The following RANBP2 variants were observed in gnomAD, a reference collection of about 807,000 sequenced individuals.
The protein encoded by RANBP2 is E3 SUMO-protein ligase RanBP2.
In RANBP2, 57 loss-of-function variants were observed where a neutral mutation model predicts 303.6. That is an observed-to-expected ratio of 0.19 (90% CI 0.15 to 0.23). The LOEUF is 0.23. Among genes scored for constraint, RANBP2 ranks in the 10% least tolerant of loss-of-function variants. The pLI is 1.00. For synonymous variants in RANBP2, 1,167 were observed against 1,301.5 expected, an observed-to-expected ratio of 0.90 and a Z score of 2.23; for missense variants, 3,138 against 3,780.8, an observed-to-expected ratio of 0.83 and a Z score of 4.46.
chr2:109,171,135 A>T, the RANBP2 span, among the ~76,000 whole-genome samples: 1 of 152,174 alleles, frequency 6.6e-6, no homozygotes, highest in Non-Finnish European at 1.5e-5. Context: ...CAGCACCTAG[A>T]TCATTCAGGT....
At chr2:108,723,011 ACTT>A (rs1326464365) in intron 1 of RANBP2, among the ~76,000 whole-genome samples, 2 of 152,058 alleles carry the variant, frequency 1.3e-5, no homozygotes, top group Non-Finnish European at 2.9e-5. Flanking sequence ...GCTGATTCCT[ACTT>A]CTCAAAGTCT....
At chr2:109,190,017 A>G in the RANBP2 span, among the ~76,000 whole-genome samples, 1 of 152,262 alleles carries the variant, frequency 6.6e-6, no homozygotes, top group Non-Finnish European at 1.5e-5. Flanking sequence ...AGAAGTCTAC[A>G]GAACTAAAAA....
chr2:108,721,510 G>T (rs978679212), intron 1 of RANBP2, among the ~76,000 whole-genome samples: 2 of 152,014 alleles, frequency 1.3e-5, no homozygotes, highest in African/African-American at 4.8e-5. Flanking sequence ...GCGCTATCTC[G>T]ACTCACTGCA....
At chr2:108,912,703 CAG>C in the RANBP2 span, 2 of 1,600,352 alleles carry the variant, frequency 1.2e-6, no homozygotes, top group African/African-American at 1.3e-5. Context: ...GGAAGGGAGA[CAG>C]GGTGCTGCTG....
chr2:109,148,456 C>T, the RANBP2 span, among the ~76,000 whole-genome samples: 1 of 152,152 alleles, frequency 6.6e-6, no homozygotes. Flanking sequence ...TGCTGTAGCT[C>T]AAACTGTGTA....
In RANBP2 at chr2:108,758,453, C is replaced by T. The variant is rs762106093; in HGVS notation, c.2507C>T (p.Ala836Val). 1.9e-6 allele frequency: 3 copies of T among 1,611,606 alleles called. No individual in the cohort carries two copies. In the Admixed American group the frequency reaches 5.0e-5, roughly 27 times the overall value. ...QELKLNSSNSASPHRWPTENY... is the reference protein window; with the variant it reads ...QELKLNSSNSVSPHRWPTENY... ...TTGAAACTAAATAGCAGTAACTCAG[C>T]ATCCCCTCATCGTTGGCCCACAGAG... The change falls in exon 18 of 29, where the codon GCA becomes GTA. Residue 836 changes from alanine (A) to valine (V), a missense_variant. Ala to Val is a moderately conservative substitution (Grantham distance 64). Transcript: ENST00000283195.
At chr2:109,155,779 G>A in the RANBP2 span, among the ~76,000 whole-genome samples, 1 of 152,216 alleles carries the variant, frequency 6.6e-6, no homozygotes, top group East Asian at 1.9e-4. Context: ...CATAGCACAC[G>A]TGCTGGTGTG....
the RANBP2 span, among the ~76,000 whole-genome samples, chr2:108,979,467 TCACACACA>T: frequency 6.7e-4 from 98 of 147,216 alleles, 1 homozygote; most frequent in Middle Eastern, 3.5e-3. Context: ...TCTCTCTCTC[TCACACACA>T]CACACACACA....
the RANBP2 span, among the ~76,000 whole-genome samples, chr2:109,262,032 G>A: frequency 6.6e-6 from 1 of 152,188 alleles, no homozygotes; most frequent in South Asian, 2.1e-4. Flanking sequence ...GCAGGAGACA[G>A]GTCGGTGGCC....
At chr2:108,945,678 T>A in the RANBP2 span, among the ~76,000 whole-genome samples, 2 of 152,204 alleles carry the variant, frequency 1.3e-5, no homozygotes, top group African/African-American at 4.8e-5. Context: ...GGATCCCAAA[T>A]GGATAAACAA....
At chr2:108,755,601 C>G (rs1573783934) in intron 17 of RANBP2, among the ~76,000 whole-genome samples, 1 of 151,472 alleles carries the variant, frequency 6.6e-6, no homozygotes, top group East Asian at 1.9e-4. Flanking sequence ...GCCATGTTGC[C>G]CAGGGTGGCC....
chr2:109,325,789 G>A, the RANBP2 span, among the ~76,000 whole-genome samples: 5 of 152,198 alleles, frequency 3.3e-5, no homozygotes, highest in African/African-American at 1.2e-4. Context: ...GGTGCCTGCT[G>A]CACCCTCCTT....
At chr2:109,443,326 A>G in the RANBP2 span, among the ~76,000 whole-genome samples, 1 of 152,202 alleles carries the variant, frequency 6.6e-6, no homozygotes, top group Admixed American at 6.5e-5. Flanking sequence ...AACTTTCTGC[A>G]TTGTACTGTG....
chr2:108,793,635 C>T, the RANBP2 span, among the ~76,000 whole-genome samples: 1 of 150,428 alleles, frequency 6.6e-6, no homozygotes, highest in Admixed American at 6.6e-5. Context: ...CTCGCTCTGT[C>T]GCCCAGGCTG....
chr2:109,384,499 G>A, the RANBP2 span, among the ~76,000 whole-genome samples: 1 of 151,974 alleles, frequency 6.6e-6, no homozygotes, highest in South Asian at 2.1e-4. Flanking sequence ...GGTGGGAGGA[G>A]AGGGGTTGGG....
Position 108,782,525 on chromosome 2 carries a change from CAGATGGAGA to C in RANBP2, c.9035_9043del (p.Asp3012_Glu3014del). The stretch of plus-strand genomic sequence containing the variant: ...CACTGCTTCCCCTTTCCCTCCCTGC[CAGATGGAGA>C]AGCAAAAGTAGAACAGCTTGCAGTG... On this transcript the variant is annotated splice_acceptor_variant and coding_sequence_variant, in exon 28 of 29. Coordinates refer to ENST00000283195, the MANE Select transcript of RANBP2 (RefSeq NM_006267.5). LOFTEE classifies it high-confidence loss of function. 1 of 1,613,978 alleles carries C rather than the reference CAGATGGAGA, an allele frequency of 6.2e-7. No individual in the cohort carries two copies. Among genetic ancestry groups the C allele is most frequent in the Non-Finnish European group, 8.5e-7 (1 of 1,179,934 alleles).
chr2:109,025,914 C>T, the RANBP2 span, among the ~76,000 whole-genome samples: 2 of 152,064 alleles, frequency 1.3e-5, no homozygotes, highest in East Asian at 3.9e-4. Flanking sequence ...TGGGGGACGA[C>T]GTGTCCCATT....
the RANBP2 span, among the ~76,000 whole-genome samples, chr2:109,562,423 A>G: frequency 6.7e-6 from 1 of 150,362 alleles, no homozygotes. Flanking sequence ...CCACCCCTCA[A>G]CAGAGACTCT....
chr2:109,564,437 A>G, the RANBP2 span: 1 of 1,596,888 alleles, frequency 6.3e-7, no homozygotes, highest in Non-Finnish European at 8.6e-7. Context: ...TGTAAAGCTC[A>G]TAGTGCCTGG....
Sources: allele counts gnomAD v4.1 joint callset (sites outside exome capture counted in the v4.1 genomes callset), GRCh38; gene constraint gnomAD v4.1.1; transcripts MANE v1.5; gene names NCBI Gene and HGNC (gene_info 2026-07-23, HGNC 2026-07-21).